PRKCZ: variants seen among roughly 807,000 people sequenced by gnomAD.
The protein encoded by PRKCZ is protein kinase C zeta type.
PRKCZ carries 33 observed loss-of-function variants against 79.5 expected under a neutral mutation model. That is an observed-to-expected ratio of 0.41 (90% CI 0.31 to 0.55). The LOEUF is 0.55. PRKCZ is among the 20% of genes least tolerant of loss of function. The pLI, the probability that PRKCZ is intolerant of heterozygous loss-of-function variation, is 0.19. For missense variants in PRKCZ, 578 were observed against 813.5 expected, an observed-to-expected ratio of 0.71 and a Z score of 3.52; for synonymous variants, 342 against 320.9, an observed-to-expected ratio of 1.07 and a Z score of -0.70.
intron 4 of PRKCZ, among the ~76,000 whole-genome samples, chr1:2,076,152 A>T (rs1662371331): frequency 6.6e-6 from 1 of 152,142 alleles, no homozygotes; most frequent in Non-Finnish European, 1.5e-5. Context: ...ATCGAGGGGA[A>T]GCCTGTGGGA....
At position 2,177,911 on chromosome 1, in the gene PRKCZ, GCCCTGCCTCTGCCACCGACCGCCGA is replaced by G. The variant is rs1685791925; in HGVS notation, c.1575+2612_1575+2636del. 6.6e-6 allele frequency among the ~76,000 whole-genome samples: 1 copy of G among 150,384 alleles called. No individual in the cohort carries two copies. The highest frequency in any genetic ancestry group is 2.5e-5 in the African/African-American group (1 of 39,886). On this transcript the variant is annotated intron_variant, in intron 16 of 17. Transcript: ENST00000378567. The surrounding 1 kb of genome is among the most constrained non-coding windows in gnomAD (Gnocchi z 6.4). Reference sequence around the variant, plus strand: ...GCCCTGCCTCTGCCACCGACCGCCGGCCCTGCCTCTGCCACCGACCGCCGACCCTGCCTCTGCCGTTTCCTTGCCA... The same window carrying G: ...GCCCTGCCTCTGCCACCGACCGCCGGCCCTGCCTCTGCCGTTTCCTTGCCA...
chr1:2,091,329 G>C (rs540239781), intron 4 of PRKCZ, among the ~76,000 whole-genome samples: 97 of 152,310 alleles, frequency 6.4e-4, no homozygotes, highest in African/African-American at 2.3e-3. Flanking sequence ...GAGCCACCGC[G>C]CCTGGCCTGT....
At chr1:2,086,268 C>T (rs749689371) in intron 4 of PRKCZ, among the ~76,000 whole-genome samples, 2 of 151,930 alleles carry the variant, frequency 1.3e-5, no homozygotes, top group Non-Finnish European at 2.9e-5. Context: ...TCCATTTTGC[C>T]CAGGCTGATC....
chr1:2,160,858 G>A (rs933275732), intron 10 of PRKCZ, among the ~76,000 whole-genome samples: 3 of 152,012 alleles, frequency 2.0e-5, no homozygotes, highest in East Asian at 1.9e-4. Context: ...CCGCCCCGCC[G>A]GGGGTGATTG....
intron 8 of PRKCZ, among the ~76,000 whole-genome samples, 190 bp from the exon 9 acceptor site, chr1:2,150,600 T>C (rs1181010164): frequency 6.6e-6 from 1 of 152,216 alleles, no homozygotes; most frequent in Non-Finnish European, 1.5e-5. Flanking sequence ...CTTAAATTCT[T>C]ACCTTTCATG....
At position 2,185,035 on chromosome 1, in the gene PRKCZ, A is replaced by C; in HGVS notation, c.*26A>C. Reference sequence around the variant, plus strand: ...GGCCGCGTGCGTCTCTGTCGTGGACACGCGTGATTGACCCTTTAACTGTAT... The same window carrying C: ...GGCCGCGTGCGTCTCTGTCGTGGACCCGCGTGATTGACCCTTTAACTGTAT... On this transcript the variant is annotated 3_prime_UTR_variant, in exon 18 of 18. Transcript: ENST00000378567. The C allele has an allele frequency of 3.8e-6, 6 of 1,582,860 alleles. No individual in the cohort carries two copies. The highest frequency in any genetic ancestry group is 5.2e-6 in the Non-Finnish European group (6 of 1,157,514).
chr1:2,149,021 G>A lies in PRKCZ; in HGVS notation c.687+97G>A. 1 of 1,357,668 alleles carries A rather than the reference G, an allele frequency of 7.4e-7. No individual in the cohort carries two copies. Among genetic ancestry groups the A allele is most frequent in the Non-Finnish European group, 1.0e-6 (1 of 955,816 alleles). The allele number at this position is 1,357,668 out of a possible 1,614,324, so 84.1% of individuals were successfully genotyped here. A position where few individuals can be genotyped will look rare whatever the true frequency, so the allele number is the denominator to read the frequency against. On this transcript the variant is annotated intron_variant, in intron 8 of 17. Transcript: ENST00000378567. This position sits in a 1 kb window ranked among gnomAD's most constrained non-coding sequence, Gnocchi z 4.1. ...GTCACGGAAATCTAGATGTGAAATA[G>A]ACATGGTCCGGGGTGTTGCTAACTA...
chr1:2,104,837 G>T, intron 4 of PRKCZ: 1 of 985,858 alleles, frequency 1.0e-6, no homozygotes. Flanking sequence ...GGGTGTTGCG[G>T]TGTGAGCGGG....
At chr1:2,063,973 G>A (rs2102265461) in intron 4 of PRKCZ, among the ~76,000 whole-genome samples, 1 of 151,856 alleles carries the variant, frequency 6.6e-6, no homozygotes, top group Admixed American at 6.6e-5. Context: ...AGCCTCCTGA[G>A]TAGCTGGGAT....
At position 2,144,254 on chromosome 1, in the gene PRKCZ, G is replaced by T; in HGVS notation, c.465G>T (p.Ala155=). 1 of 1,556,966 alleles carries T rather than the reference G, an allele frequency of 6.4e-7. No individual in the cohort carries two copies. The highest frequency in any genetic ancestry group is 2.4e-5 in the East Asian group (1 of 42,056). ...GCAGCGAGAGGATATGGGGCCTCGC[G>T]AGGCAAGGCTACAGGTGCATCAACT... ...GQCSERIWGL[A]RQGYRCINCK... is the part of the protein sequence containing the mutation. Residue 155 remains alanine, a synonymous_variant, in exon 6 of 18, where the codon GCG becomes GCT. Transcript: ENST00000378567.
intron 4 of PRKCZ, among the ~76,000 whole-genome samples, chr1:2,107,107 C>T (rs1392306256): frequency 6.6e-6 from 1 of 152,228 alleles, no homozygotes; most frequent in African/African-American, 2.4e-5. Flanking sequence ...AGGGCCTGCT[C>T]TGCCTCCCCC....
intron 5 of PRKCZ, among the ~76,000 whole-genome samples, chr1:2,139,023 A>G (rs1676789874): frequency 6.6e-6 from 1 of 152,232 alleles, no homozygotes; most frequent in Non-Finnish European, 1.5e-5. Context: ...CAGAATTTTC[A>G]GATTTTTTCA....
intron 4 of PRKCZ, among the ~76,000 whole-genome samples, chr1:2,131,828 T>C (rs1675015037): frequency 6.6e-6 from 1 of 152,250 alleles, no homozygotes; most frequent in African/African-American, 2.4e-5. Context: ...TTGTTTTTGT[T>C]TTTGAGAGAG....
Position 2,094,453 on chromosome 1 carries a change from C to T in PRKCZ, c.334+34862C>T, listed in dbSNP as rs1666076451. 1.4e-5 allele frequency among the ~76,000 whole-genome samples: 2 copies of T among 145,910 alleles called. No individual in the cohort carries two copies. The highest frequency in any genetic ancestry group is 5.1e-5 in the African/African-American group (2 of 39,006). ...TGCCCGTTCTGAGGCACCCGCTGTG[C>T]CCGGCTCGTTGAACCTTGGGCGCTG... On this transcript the variant is annotated intron_variant, in intron 4 of 17. Coordinates refer to ENST00000378567, the MANE Select transcript of PRKCZ (RefSeq NM_002744.6). The surrounding 1 kb of genome is among the most constrained non-coding windows in gnomAD (Gnocchi z 7.3).
chr1:2,182,376 G>A (rs980249416), intron 16 of PRKCZ: 2 of 157,822 alleles, frequency 1.3e-5, no homozygotes, highest in African/African-American at 4.8e-5. Context: ...ATTCCAGCTT[G>A]AACGACTGGA....
chr1:2,087,558 A>T (rs533869860), intron 4 of PRKCZ, among the ~76,000 whole-genome samples: 8 of 152,236 alleles, frequency 5.3e-5, no homozygotes, highest in African/African-American at 1.9e-4. Flanking sequence ...TTCGCTCCCA[A>T]GGGTTTTTAA....
chr1:2,172,136 C>T lies in PRKCZ; in HGVS notation c.1143C>T (p.Asn381=), dbSNP rs113412246. 346 of 1,613,476 alleles carry T rather than the reference C, an allele frequency of 2.1e-4. 1 individual carries two copies. The highest frequency in any genetic ancestry group is 3.5e-4 in the African/African-American group (26 of 75,064). The part of the protein sequence containing the change: ...GIIYRDLKLD[N]VLLDADGHIK... ...TCTACAGGGACCTGAAGCTGGACAA[C>T]GTCCTCCTGGATGCGGACGGGCACA... The change falls in exon 12 of 18, where the codon AAC becomes AAT. Residue 381 remains asparagine (N), a synonymous_variant. Transcript: ENST00000378567. The surrounding 1 kb of genome is among the most constrained non-coding windows in gnomAD (Gnocchi z 7.8).
At chr1:2,087,927 T>A (rs1012978423) in intron 4 of PRKCZ, among the ~76,000 whole-genome samples, 33 of 152,208 alleles carry the variant, frequency 2.2e-4, no homozygotes, top group African/African-American at 7.7e-4. Context: ...GAGGCCTGGC[T>A]TCGAGGCTGG....
At chr1:2,140,790 G>A (rs950181281) in intron 5 of PRKCZ, among the ~76,000 whole-genome samples, 3 of 152,178 alleles carry the variant, frequency 2.0e-5, no homozygotes, top group South Asian at 2.1e-4. Context: ...CCAACATGGC[G>A]AAACTTTGTC....
Sources: allele counts gnomAD v4.1 joint callset (sites outside exome capture counted in the v4.1 genomes callset), GRCh38; gene constraint gnomAD v4.1.1; non-coding constraint Gnocchi (gnomAD v3.1); transcripts MANE v1.5; gene names NCBI Gene and HGNC (gene_info 2026-07-23, HGNC 2026-07-21).